Variants in TNS1 observed in about 807,000 individuals in gnomAD.
The protein encoded by TNS1 is tensin-1.
A neutral mutation model predicts 168.6 loss-of-function variants in TNS1; 62 were observed. That is an observed-to-expected ratio of 0.37 (90% CI 0.30 to 0.45). The LOEUF is 0.45. TNS1 is among the 20% of genes least tolerant of loss of function. TNS1 has a pLI of 1.00. For missense variants in TNS1, 2,240 were observed against 2,339.4 expected (o/e 0.96, Z 0.88); for synonymous variants, 934 against 933.2 (o/e 1.00, Z -0.02).
intron 9 of TNS1, among the ~76,000 whole-genome samples, chr2:217,894,386 C>A (rs1405829791): frequency 6.6e-6 from 1 of 152,176 alleles, no homozygotes; most frequent in African/African-American, 2.4e-5. Context: ...TCCAGACGCG[C>A]TGGCCCATGC....
intron 22 of TNS1, chr2:217,829,723 TGC>T: frequency 1.8e-6 from 2 of 1,132,018 alleles, no homozygotes; most frequent in Admixed American, 1.8e-5. Flanking sequence ...GAAGGCCATG[TGC>T]CTGGTCGCCT....
At chr2:218,029,475 A>G (rs1425144014) in intron 1 of TNS1, among the ~76,000 whole-genome samples, 1 of 152,230 alleles carries the variant, frequency 6.6e-6, no homozygotes, top group African/African-American at 2.4e-5. Flanking sequence ...TAGCAGTGCT[A>G]CTCACAGTAG....
At chr2:217,849,271 G>A (rs187282748) in intron 18 of TNS1, among the ~76,000 whole-genome samples, 184 bp from the exon 19 acceptor site, 1 of 152,172 alleles carries the variant, frequency 6.6e-6, no homozygotes, top group African/African-American at 2.4e-5. Flanking sequence ...CCAGGCTTTG[G>A]GGCAGAGCCT....
chr2:218,006,275 A>G (rs1189195208), upstream of TNS1, among the ~76,000 whole-genome samples: 3 of 152,326 alleles, frequency 2.0e-5, no homozygotes, highest in Admixed American at 2.0e-4. Flanking sequence ...TTAGAGCCTG[A>G]GCCTGGCAGG....
chr2:217,836,272 G>C, intron 19 of TNS1, 61 bp from the exon 20 acceptor site: 15 of 1,503,292 alleles, frequency 1.0e-5, no homozygotes, highest in Non-Finnish European at 1.4e-5. Flanking sequence ...TGATCAATCG[G>C]CCTAATCCCA....
intron 18 of TNS1, among the ~76,000 whole-genome samples, chr2:217,863,555 G>A (rs1453983654): frequency 6.6e-6 from 1 of 152,178 alleles, no homozygotes; most frequent in Non-Finnish European, 1.5e-5. Context: ...AGCCTGGGGT[G>A]TAATAGACCG....
chr2:217,830,463 C>T, intron 22 of TNS1: 2 of 1,571,780 alleles, frequency 1.3e-6, no homozygotes, highest in South Asian at 1.2e-5. Flanking sequence ...GAGCAGCTTT[C>T]TGAGTTCAGT....
At chr2:217,966,838 T>C (rs1416475880) in intron 3 of TNS1, among the ~76,000 whole-genome samples, 1 of 152,194 alleles carries the variant, frequency 6.6e-6, no homozygotes, top group Admixed American at 6.5e-5. Flanking sequence ...CATCAGACAT[T>C]AGAGCCAGAC....
At chr2:217,990,427 T>C (rs1958334125) in intron 2 of TNS1, among the ~76,000 whole-genome samples, 1 of 119,380 alleles carries the variant, frequency 8.4e-6, no homozygotes, top group African/African-American at 3.3e-5. Context: ...GACCACAACC[T>C]CCACATGCCA....
intron 18 of TNS1, among the ~76,000 whole-genome samples, chr2:217,852,430 T>A (rs952588552): frequency 2.8e-4 from 43 of 152,292 alleles, no homozygotes; most frequent in African/African-American, 8.7e-4. Context: ...TCCCCCACGT[T>A]CATGCTCATG....
At chr2:217,931,393 G>A (rs1311691223) in intron 3 of TNS1, among the ~76,000 whole-genome samples, 1 of 152,212 alleles carries the variant, frequency 6.6e-6, no homozygotes, top group African/African-American at 2.4e-5. Context: ...TAAGAGCAGT[G>A]GGAAAACCCA....
At chr2:218,031,388 A>C (rs1322236733) in intron 1 of TNS1, among the ~76,000 whole-genome samples, 1 of 126,622 alleles carries the variant, frequency 7.9e-6, no homozygotes, top group African/African-American at 3.1e-5. Flanking sequence ...GTGTGTATGA[A>C]TGTCTTGTGT....
intron 19 of TNS1, among the ~76,000 whole-genome samples, chr2:217,846,159 G>A (rs955311644): frequency 2.0e-5 from 3 of 152,268 alleles, no homozygotes; most frequent in African/African-American, 4.8e-5. Flanking sequence ...CCTTTGTTCC[G>A]ATGCTCAGGT....
At chr2:217,846,615 C>T (rs2125414231) in intron 19 of TNS1, among the ~76,000 whole-genome samples, 1 of 152,346 alleles carries the variant, frequency 6.6e-6, no homozygotes, top group Middle Eastern at 3.4e-3. Context: ...AATAAAGTCA[C>T]CCAACAGGTT....
chr2:218,031,189 T>G (rs1958893226), intron 1 of TNS1, among the ~76,000 whole-genome samples: 1 of 149,346 alleles, frequency 6.7e-6, no homozygotes, highest in Non-Finnish European at 1.5e-5. Flanking sequence ...AGTGTGAATG[T>G]GTCTGTATGT....
intron 6 of TNS1, among the ~76,000 whole-genome samples, chr2:217,901,185 T>C (rs909398471): frequency 3.3e-5 from 5 of 152,138 alleles, no homozygotes; most frequent in African/African-American, 1.2e-4. Flanking sequence ...GGCAGCAGGA[T>C]GGCATGGCGG....
chr2:217,931,213 C>A (rs1335855217), intron 3 of TNS1, among the ~76,000 whole-genome samples: 1 of 152,152 alleles, frequency 6.6e-6, no homozygotes, highest in Non-Finnish European at 1.5e-5. Context: ...GCTAGGATTT[C>A]ACTGGGATTC....
At chr2:217,971,359 C>A (rs1957769897) in intron 3 of TNS1, among the ~76,000 whole-genome samples, 1 of 152,220 alleles carries the variant, frequency 6.6e-6, no homozygotes, top group African/African-American at 2.4e-5. Context: ...TTCTTTCACT[C>A]AGCATGACGT....
At chr2:218,023,547 A>G (rs78568781) in intron 1 of TNS1, among the ~76,000 whole-genome samples, 4 of 152,292 alleles carry the variant, frequency 2.6e-5, no homozygotes, top group Non-Finnish European at 5.9e-5. Context: ...GAAGAGGTCA[A>G]CTAGATGACC....
Sources: gnomAD v4.1 joint callset for allele counts (sites outside exome capture counted in the v4.1 genomes callset) on GRCh38, gnomAD v4.1.1 for gene constraint, MANE v1.5 for transcripts, NCBI Gene and HGNC (gene_info 2026-07-23, HGNC 2026-07-21) for gene names.